Variants in PLCE1 observed in about 807,000 individuals in gnomAD.
The protein encoded by PLCE1 is 1-phosphatidylinositol 4,5-bisphosphate phosphodiesterase epsilon-1.
Under a neutral mutation model 242.8 loss-of-function variants are expected in PLCE1, and 119 were observed. That is an observed-to-expected ratio of 0.49 (90% CI 0.42 to 0.57). The LOEUF (loss-of-function observed/expected upper bound fraction) is 0.57, where lower values mean the gene tolerates loss of function less well. PLCE1 is among the 20% of genes least tolerant of loss of function. PLCE1 has a pLI of 0.00. For synonymous variants in PLCE1, 945 were observed against 1,017.4 expected (o/e 0.93, Z 1.35); for missense variants, 2,441 against 2,788.8 (o/e 0.88, Z 2.81).
chr10:94,191,250 G>A (rs1003837566), intron 4 of PLCE1, among the ~76,000 whole-genome samples: 9 of 152,242 alleles, frequency 5.9e-5, no homozygotes, highest in Admixed American at 4.6e-4. Flanking sequence ...CCCTAAAGTG[G>A]GCACACTTGA....
chr10:94,124,437 T>G (rs1470539677), intron 2 of PLCE1, among the ~76,000 whole-genome samples: 1 of 150,546 alleles, frequency 6.6e-6, no homozygotes, highest in Non-Finnish European at 1.5e-5. Flanking sequence ...AAGTATGGAT[T>G]ATAGAACAGT....
At chr10:94,310,514 A>C (rs2053354965) in intron 27 of PLCE1, among the ~76,000 whole-genome samples, 2 of 151,964 alleles carry the variant, frequency 1.3e-5, no homozygotes, top group African/African-American at 4.8e-5. Flanking sequence ...CCATGTGTCC[A>C]AGGTTTAGAA....
intron 29 of PLCE1, among the ~76,000 whole-genome samples, chr10:94,318,805 A>G (rs1342262411): frequency 2.0e-5 from 3 of 152,330 alleles, no homozygotes; most frequent in Non-Finnish European, 4.4e-5. Context: ...TCACACCTGT[A>G]ATCCCAGCAC....
chr10:94,320,165 A>G (rs2133847099), intron 29 of PLCE1, among the ~76,000 whole-genome samples: 1 of 152,270 alleles, frequency 6.6e-6, no homozygotes, highest in South Asian at 2.1e-4. Flanking sequence ...TATGATGATC[A>G]GTGCAATGAC....
chr10:94,236,025 G>C lies in PLCE1; in HGVS notation c.2325G>C (p.Arg775=). Residue 775 remains arginine, a synonymous_variant, in exon 7 of 33, where the codon CGG becomes CGC. Coordinates refer to ENST00000371380, the MANE Select transcript of PLCE1 (RefSeq NM_016341.4). ...TCAACAGCATCTTTCAGGTCATCCG[G>C]AGCTGCAATCGAAGTCTGGAGACAG... ...STVNSIFQVI[R]SCNRSLETDE... 6.2e-7 allele frequency: 1 copy of C among 1,614,098 alleles called. No individual in the cohort carries two copies. The highest frequency in any genetic ancestry group is 8.5e-7 in the Non-Finnish European group (1 of 1,179,984).
intron 20 of PLCE1, chr10:94,280,176 G>A (rs2052148607): frequency 2.0e-6 from 1 of 500,730 alleles, no homozygotes; most frequent in South Asian, 2.1e-5. Context: ...AGATGGAATT[G>A]CAGCAGAGAA....
At chr10:94,258,279 C>T (rs181437679) in intron 11 of PLCE1, among the ~76,000 whole-genome samples, 1 of 152,262 alleles carries the variant, frequency 6.6e-6, no homozygotes, top group African/African-American at 2.4e-5. Context: ...CCATTCTTAA[C>T]ATTTTTCCGG....
At chr10:94,160,529 A>G (rs1268072405) in intron 3 of PLCE1, among the ~76,000 whole-genome samples, 1 of 152,206 alleles carries the variant, frequency 6.6e-6, no homozygotes, top group Non-Finnish European at 1.5e-5. Flanking sequence ...GCCCTTTGTC[A>G]GATGAGTAGA....
chr10:94,262,905 CTCT>C (rs2051358228), intron 14 of PLCE1, among the ~76,000 whole-genome samples, 173 bp downstream of exon 14: 1 of 150,302 alleles, frequency 6.7e-6, no homozygotes, highest in South Asian at 2.2e-4. Context: ...CAGAGTCTTA[CTCT>C]GTGGCCAGGC....
chr10:94,221,730 G>A (rs987948154), intron 4 of PLCE1, among the ~76,000 whole-genome samples: 1 of 151,828 alleles, frequency 6.6e-6, no homozygotes, highest in African/African-American at 2.4e-5. Flanking sequence ...GGGAAGTTCT[G>A]TCTAAAAAAA....
rs2053280917 is a variant in PLCE1, at chr10:94,308,551, CA to C, written c.5885-28del. 4 of 1,454,760 alleles carry C rather than the reference CA, an allele frequency of 2.7e-6. No homozygotes were observed. The East Asian group carries it at 9.1e-5, about 33-fold the overall frequency. The allele number at this position is 1,454,760 out of a possible 1,614,324, so 90.1% of individuals were successfully genotyped here. ...TCTTCTTTTCAGTAGCCATGGTTAA[CA>C]AGCTTTTCCCAATTCTGTATTACTC... is the stretch of plus-strand genomic sequence containing the variant. On this transcript the variant is annotated intron_variant, in intron 26 of 32. Transcript: ENST00000371380.
chr10:94,066,250 A>C (rs2044192914), intron 2 of PLCE1, among the ~76,000 whole-genome samples: 1 of 152,210 alleles, frequency 6.6e-6, no homozygotes, highest in African/African-American at 2.4e-5. Context: ...TAAAAGATTT[A>C]GCTTGTGAAT....
At chr10:94,054,563 T>A (rs1287975851) in intron 2 of PLCE1, among the ~76,000 whole-genome samples, 2 of 152,208 alleles carry the variant, frequency 1.3e-5, no homozygotes, top group Non-Finnish European at 2.9e-5. Flanking sequence ...CTAAACTACT[T>A]TGTGAAGCCT....
intron 1 of PLCE1, among the ~76,000 whole-genome samples, chr10:94,024,307 AT>A (rs1377041972): frequency 2.4e-4 from 37 of 152,272 alleles, no homozygotes; most frequent in African/African-American, 8.4e-4. Flanking sequence ...GGGATATTAA[AT>A]TCTATTACCA....
intron 2 of PLCE1, among the ~76,000 whole-genome samples, chr10:94,129,080 T>G (rs1479241679): frequency 6.6e-6 from 1 of 152,212 alleles, no homozygotes; most frequent in African/African-American, 2.4e-5. Flanking sequence ...CATTAGGCAC[T>G]TGTTGGCACC....
At chr10:94,101,447 A>C (rs1035023229) in intron 2 of PLCE1, among the ~76,000 whole-genome samples, 1 of 152,254 alleles carries the variant, frequency 6.6e-6, no homozygotes, top group Non-Finnish European at 1.5e-5. Flanking sequence ...AAGAAGAGAC[A>C]TCTTTGATAT....
chr10:94,120,662 C>A (rs1237741606), intron 2 of PLCE1: 2 of 152,174 alleles, frequency 1.3e-5, no homozygotes, highest in Non-Finnish European at 2.9e-5. Context: ...TGCTTGCAGA[C>A]CCTACTAATT....
At position 94,018,785 on chromosome 10, in the gene PLCE1, G is replaced by A. The variant is rs147281191; in HGVS notation, c.-364-11898G>A. Among the ~76,000 whole-genome samples the A allele has an allele frequency of 5.8e-3, 883 of 152,170 alleles. 7 individuals are homozygous for A. The highest frequency in any genetic ancestry group is 9.6e-3 in the Non-Finnish European group (650 of 67,994). On this transcript the variant is annotated intron_variant, in intron 1 of 32. Coordinates refer to ENST00000371380, the MANE Select transcript of PLCE1 (RefSeq NM_016341.4). Reference sequence around the variant, plus strand: ...CTTTCTCTTCTTGTGAACTAATCTGGTACCTTGCACATGTGCTAAGCACCC... The same window carrying A: ...CTTTCTCTTCTTGTGAACTAATCTGATACCTTGCACATGTGCTAAGCACCC...
At chr10:94,276,979 C>T (rs2051977610) in intron 19 of PLCE1, among the ~76,000 whole-genome samples, 2 of 152,238 alleles carry the variant, frequency 1.3e-5, no homozygotes, top group Admixed American at 1.3e-4. Flanking sequence ...GGGTCTAGAC[C>T]TAGTGATGAT....
Sources: allele counts gnomAD v4.1 joint callset (sites outside exome capture counted in the v4.1 genomes callset), GRCh38; gene constraint gnomAD v4.1.1; transcripts MANE v1.5; gene names NCBI Gene and HGNC (gene_info 2026-07-23, HGNC 2026-07-21).